SCUBE2: variants seen among roughly 807,000 people sequenced by gnomAD.
SCUBE2 encodes the protein signal peptide, CUB domain and EGF like domain containing 2, also known as signal peptide, CUB and EGF-like domain-containing protein 2.
In SCUBE2, 114 loss-of-function variants were observed where a neutral mutation model predicts 125.9. That is an observed-to-expected ratio of 0.91 (90% CI 0.78 to 1.06). The LOEUF (loss-of-function observed/expected upper bound fraction) is 1.06. SCUBE2 is among the 50% of genes least tolerant of loss of function. The pLI is 0.00. For missense variants in SCUBE2, 1,255 were observed against 1,301.8 expected (o/e 0.96, Z 0.55); for synonymous variants, 459 against 492.9 (o/e 0.93, Z 0.91).
intron 17 of SCUBE2, among the ~76,000 whole-genome samples, chr11:9,032,595 T>A (rs763725079): frequency 7.9e-5 from 12 of 152,120 alleles, no homozygotes; most frequent in Non-Finnish European, 1.6e-4. Context: ...TAGCAGGGCA[T>A]GGTGGCACGC....
rs7121891 is a variant in SCUBE2 at position 9,043,275 on chromosome 11, T to C, written c.2002+4081A>G. On this transcript the variant is annotated intron_variant, in intron 16 of 22. Transcript: ENST00000649792. ...TAATACATACATACATACATACATA[T>C]ATACACACACATGCATACACACACA... is the stretch of plus-strand genomic sequence containing the variant. Among the ~76,000 whole-genome samples, 7 of 152,116 alleles carry C rather than the reference T, an allele frequency of 4.6e-5. No individual in the cohort carries two copies. In the East Asian group the frequency reaches 9.6e-4, roughly 21 times the overall value.
chr11:9,034,797 A>G (rs1485050803), intron 16 of SCUBE2, among the ~76,000 whole-genome samples: 1 of 151,150 alleles, frequency 6.6e-6, no homozygotes, highest in Non-Finnish European at 1.5e-5. Flanking sequence ...CCTGGCCAAC[A>G]TGGAGAAACC....
chr11:9,076,298 GC>G, intron 3 of SCUBE2, among the ~76,000 whole-genome samples: 1 of 152,058 alleles, frequency 6.6e-6, no homozygotes, highest in East Asian at 1.9e-4. Flanking sequence ...GAGGGAGGAA[GC>G]CTTCTGCCAC....
intron 10 of SCUBE2, among the ~76,000 whole-genome samples, chr11:9,054,427 G>C (rs1307917031): frequency 6.6e-6 from 1 of 152,000 alleles, no homozygotes; most frequent in African/African-American, 2.4e-5. Context: ...CTTCTGAGCT[G>C]CCTAGCAAGG....
intron 2 of SCUBE2, among the ~76,000 whole-genome samples, chr11:9,086,462 T>C (rs994159332): frequency 6.6e-6 from 1 of 152,224 alleles, no homozygotes; most frequent in Non-Finnish European, 1.5e-5. Context: ...TTTGTATATC[T>C]ACATCTTTGA....
At chr11:9,046,930 C>G (rs974692251) in intron 16 of SCUBE2, among the ~76,000 whole-genome samples, 14 of 151,874 alleles carry the variant, frequency 9.2e-5, no homozygotes, top group African/African-American at 3.4e-4. Context: ...ATTCTTACTC[C>G]TTAGCTAAGC....
In SCUBE2 at chr11:9,091,488, G is replaced by A. The variant is rs1235516723; in HGVS notation, c.41C>T (p.Ala14Val). Residue 14 changes from alanine (A) to valine (V), a missense_variant, in exon 1 of 23, where the codon GCG (alanine) becomes GTG (valine). Transcript: ENST00000649792. This position sits in a 1 kb window ranked among gnomAD's most constrained non-coding sequence, Gnocchi z 8.5. Reference sequence around the variant, plus strand: ...CAGCAGCAGCAGCAGCAGCAGCACCGCCCAGGCCGCCCCGGGACGGTTGCG... The same window carrying A: ...CAGCAGCAGCAGCAGCAGCAGCACCACCCAGGCCGCCCCGGGACGGTTGCG... ...AGRNRPGAAW[A>V]VLLLLLLLPP... 6 of 1,147,072 alleles carry A rather than the reference G, an allele frequency of 5.2e-6. No individual in the cohort carries two copies. Among genetic ancestry groups the A allele is most frequent in the Admixed American group, 3.8e-5 (1 of 26,250 alleles). The allele number at this position is 1,147,072 out of a possible 1,614,324, so 71.1% of individuals were successfully genotyped here. A position where few individuals can be genotyped will look rare whatever the true frequency, so the allele number is the denominator to read the frequency against.
chr11:9,022,949 A>C (rs1369026778), intron 21 of SCUBE2, among the ~76,000 whole-genome samples: 1 of 151,922 alleles, frequency 6.6e-6, no homozygotes, highest in Non-Finnish European at 1.5e-5. Context: ...CCTTTATTTG[A>C]ATGGGGCTGG....
intron 7 of SCUBE2, among the ~76,000 whole-genome samples, chr11:9,062,615 G>T (rs1427198296): frequency 1.3e-5 from 2 of 152,176 alleles, no homozygotes; most frequent in East Asian, 3.8e-4. Context: ...CTAGAGAACA[G>T]AAGAGGAGTT....
intron 16 of SCUBE2, among the ~76,000 whole-genome samples, chr11:9,039,203 TGAG>T (rs1015986536): frequency 1.3e-5 from 2 of 152,150 alleles, no homozygotes; most frequent in African/African-American, 2.4e-5. Context: ...CAGGCAAGGC[TGAG>T]GAGAACAATT....
At chr11:9,050,209 A>T (rs960194422) in intron 14 of SCUBE2, 4 of 170,780 alleles carry the variant, frequency 2.3e-5, no homozygotes. Flanking sequence ...TGTTCATCAA[A>T]GTTATCCTTT....
At chr11:9,066,894 T>C in intron 5 of SCUBE2, 81 bp from the exon 6 acceptor site, 1 of 1,203,988 alleles carries the variant, frequency 8.3e-7, no homozygotes, top group South Asian at 1.3e-5. Context: ...GAAATTCTGA[T>C]TTTCATTCTG....
intron 15 of SCUBE2, 30 bp downstream of exon 15, chr11:9,047,913 C>G: frequency 6.3e-7 from 1 of 1,579,218 alleles, no homozygotes; most frequent in Non-Finnish European, 8.6e-7. Context: ...CCGTGAGAAG[C>G]CTGGCAATGC....
At chr11:9,066,571 C>A in intron 6 of SCUBE2, 126 bp downstream of exon 6, 1 of 764,140 alleles carries the variant, frequency 1.3e-6, no homozygotes. Context: ...CGAAGCAGCA[C>A]AGGGCCTGCT....
chr11:9,066,138 G>A (rs1860205787), intron 6 of SCUBE2, among the ~76,000 whole-genome samples, 158 bp from the exon 7 acceptor site: 1 of 152,212 alleles, frequency 6.6e-6, no homozygotes, highest in South Asian at 2.1e-4. Context: ...CTCTGTGGGA[G>A]ACACAGCCCG....
In SCUBE2 at chr11:9,054,699, G is replaced by GTATA. The variant is rs1491160291; in HGVS notation, c.1208-941_1208-940insTATA. On this transcript the variant is annotated intron_variant, in intron 10 of 22. Coordinates refer to ENST00000649792, the MANE Select transcript of SCUBE2 (RefSeq NM_001367977.2). The stretch of plus-strand genomic sequence containing the variant: ...GATAACTGTCAGTAGCAAAGCACTA[G>GTATA]TGTATATATATATATATATATATAT... Among the ~76,000 whole-genome samples, 128 of 44,704 alleles carry GTATA rather than the reference G, an allele frequency of 2.9e-3. 15 individuals carry two copies. Among genetic ancestry groups the GTATA allele is most frequent in the East Asian group, 8.1e-3 (7 of 860 alleles). 29.3% of individuals were successfully genotyped at this position (44,704 alleles called of 152,430 possible). A position where few individuals can be genotyped will look rare whatever the true frequency, so the allele number is the denominator to read the frequency against.
chr11:9,043,799 A>G (rs1857445296), intron 16 of SCUBE2, among the ~76,000 whole-genome samples: 1 of 148,102 alleles, frequency 6.8e-6, no homozygotes, highest in Non-Finnish European at 1.5e-5. Flanking sequence ...AGTTAAAATG[A>G]CTATTTTTTT....
chr11:9,030,366 A>T, intron 18 of SCUBE2: 1 of 424,406 alleles, frequency 2.4e-6, no homozygotes, highest in Non-Finnish European at 4.3e-6. Context: ...GCAGTTGCAG[A>T]ACTGAGGTTG....
chr11:9,083,504 A>T (rs1422621960), intron 2 of SCUBE2, among the ~76,000 whole-genome samples: 1 of 152,122 alleles, frequency 6.6e-6, no homozygotes, highest in Non-Finnish European at 1.5e-5. Flanking sequence ...TGAGCGCCAG[A>T]TTTCTCACTG....
Sources: allele counts gnomAD v4.1 joint callset (sites outside exome capture counted in the v4.1 genomes callset), GRCh38; gene constraint gnomAD v4.1.1; non-coding constraint Gnocchi (gnomAD v3.1); transcripts MANE v1.5; gene names NCBI Gene and HGNC (gene_info 2026-07-23, HGNC 2026-07-21).